Variants in PTPRR observed in about 807,000 individuals in gnomAD.
The protein encoded by PTPRR is protein tyrosine phosphatase receptor type R.
Under a neutral mutation model 77.2 loss-of-function variants are expected in PTPRR, and 38 were observed. The observed-to-expected ratio is 0.49, with a 90% CI of 0.38 to 0.65. PTPRR has a LOEUF of 0.65. PTPRR is among the 30% of genes least tolerant of loss of function. PTPRR has a pLI of 0.00. For missense variants in PTPRR, 744 were observed against 799.2 expected (o/e 0.93, Z 0.83); for synonymous variants, 299 against 283.1 (o/e 1.06, Z -0.57).
rs1886782838 is a variant in PTPRR at position 70,661,078 on chromosome 12, T to C, written c.1628A>G (p.His543Arg). Residue 543 changes from histidine to arginine, a missense_variant, in exon 12 of 14, where the codon CAT becomes CGT. This residue lies in a region of PTPRR where 170 missense variants were observed against 209.8 expected (regional missense o/e 0.81). Transcript: ENST00000283228. ...LVLKQGSHTQ[H>R]VKHYWYTSWP... ...TGAGGTGTACCAGTAATGCTTCACATGTTGGGTGTGGCTTCCTTGCTGAAA... is the reference window on the plus strand; with the variant it reads ...TGAGGTGTACCAGTAATGCTTCACACGTTGGGTGTGGCTTCCTTGCTGAAA... The C allele has an allele frequency of 1.9e-6, 3 of 1,611,328 alleles. No individual in the cohort carries two copies. The highest frequency in any genetic ancestry group is 1.1e-5 in the South Asian group (1 of 90,466).
intron 10 of PTPRR, among the ~76,000 whole-genome samples, chr12:70,663,616 T>C (rs1371541565): frequency 6.6e-6 from 1 of 152,222 alleles, no homozygotes; most frequent in East Asian, 1.9e-4. Context: ...GATTCAAGCA[T>C]ACATATAATC....
At chr12:70,650,653 C>T (rs1475633241) in intron 13 of PTPRR, among the ~76,000 whole-genome samples, 1 of 152,118 alleles carries the variant, frequency 6.6e-6, no homozygotes, top group South Asian at 2.1e-4. Context: ...CTGATTCATG[C>T]TCAGTAGCAG....
chr12:70,812,305 A>G (rs978279961), intron 2 of PTPRR, among the ~76,000 whole-genome samples: 1 of 152,188 alleles, frequency 6.6e-6, no homozygotes, highest in Non-Finnish European at 1.5e-5. Context: ...AATCATTAAC[A>G]TGGGCAGCCA....
chr12:70,743,936 A>C (rs1890131159), intron 6 of PTPRR, among the ~76,000 whole-genome samples: 1 of 152,112 alleles, frequency 6.6e-6, no homozygotes, highest in African/African-American at 2.4e-5. Flanking sequence ...GTAGTGCATG[A>C]TGATAATAAA....
At chr12:70,907,667 T>C (rs1446581122) in intron 1 of PTPRR, among the ~76,000 whole-genome samples, 1 of 152,212 alleles carries the variant, frequency 6.6e-6, no homozygotes, top group Non-Finnish European at 1.5e-5. Flanking sequence ...ACAATGTGAC[T>C]AGACATAAGT....
At chr12:70,798,912 G>T in intron 2 of PTPRR, among the ~76,000 whole-genome samples, 1 of 151,984 alleles carries the variant, frequency 6.6e-6, no homozygotes, top group East Asian at 1.9e-4. Context: ...ACCTATCCTA[G>T]TCCCTGGTAC....
At chr12:70,821,725 G>A (rs373036367) in intron 2 of PTPRR, among the ~76,000 whole-genome samples, 11 of 151,946 alleles carry the variant, frequency 7.2e-5, no homozygotes, top group East Asian at 3.9e-4. Flanking sequence ...GCAGTGGAAC[G>A]ATCTCGGCTC....
At chr12:70,855,661 A>G (rs1057231634) in intron 2 of PTPRR, among the ~76,000 whole-genome samples, 5 of 152,172 alleles carry the variant, frequency 3.3e-5, no homozygotes, top group Non-Finnish European at 4.4e-5. Flanking sequence ...TAAAAAGATG[A>G]TCATTTTTGT....
chr12:70,804,379 A>G (rs1891672447), intron 2 of PTPRR, among the ~76,000 whole-genome samples: 1 of 151,898 alleles, frequency 6.6e-6, no homozygotes, highest in Non-Finnish European at 1.5e-5. Flanking sequence ...AACATGGCAA[A>G]ACCCTGTCTC....
chr12:70,741,830 T>C (rs1890057057), intron 6 of PTPRR, among the ~76,000 whole-genome samples: 1 of 152,074 alleles, frequency 6.6e-6, no homozygotes. Flanking sequence ...GGACCCTCAA[T>C]AGGAGGACTG....
At chr12:70,749,920 T>C (rs1890335313) in intron 5 of PTPRR, among the ~76,000 whole-genome samples, 1 of 152,258 alleles carries the variant, frequency 6.6e-6, no homozygotes, top group Admixed American at 6.5e-5. Flanking sequence ...CTAATTTAGA[T>C]GATAAATGGT....
At chr12:70,745,322 C>A (rs1346354067) in intron 6 of PTPRR, among the ~76,000 whole-genome samples, 3 of 152,194 alleles carry the variant, frequency 2.0e-5, no homozygotes, top group Admixed American at 1.3e-4. Flanking sequence ...GCCACTGCGC[C>A]CGTCCAGTGT....
At chr12:70,823,330 A>G (rs1481900403) in intron 2 of PTPRR, among the ~76,000 whole-genome samples, 1 of 152,292 alleles carries the variant, frequency 6.6e-6, no homozygotes, top group East Asian at 1.9e-4. Context: ...AGTGACAGAA[A>G]TATCTGCTCT....
chr12:70,799,339 G>A (rs1410246506), intron 2 of PTPRR, among the ~76,000 whole-genome samples: 3 of 152,098 alleles, frequency 2.0e-5, no homozygotes, highest in South Asian at 4.1e-4. Flanking sequence ...AATTACTTAA[G>A]TATATTGTTC....
chr12:70,844,797 A>G (rs918013030), intron 2 of PTPRR, among the ~76,000 whole-genome samples: 2 of 152,174 alleles, frequency 1.3e-5, no homozygotes, highest in African/African-American at 4.8e-5. Context: ...AAAAGTCAAT[A>G]CAATTTTTAC....
At chr12:70,755,698 T>C (rs1890545793) in intron 4 of PTPRR, among the ~76,000 whole-genome samples, 1 of 152,056 alleles carries the variant, frequency 6.6e-6, no homozygotes, top group African/African-American at 2.4e-5. Flanking sequence ...ATACAAGAAA[T>C]GATTTAGATA....
intron 2 of PTPRR, among the ~76,000 whole-genome samples, chr12:70,874,869 C>T (rs371761349): frequency 3.1e-5 from 4 of 129,798 alleles, no homozygotes; most frequent in Admixed American, 1.0e-4. Context: ...TTGCAGTTAG[C>T]GGAGATCGGG....
chr12:70,871,537 G>C (rs1168740969), intron 2 of PTPRR, among the ~76,000 whole-genome samples: 1 of 152,070 alleles, frequency 6.6e-6, no homozygotes, highest in East Asian at 1.9e-4. Context: ...AGTTTCCCTG[G>C]TATAGCAATA....
chr12:70,888,458 T>C (rs1394095705), intron 2 of PTPRR, among the ~76,000 whole-genome samples: 3 of 152,188 alleles, frequency 2.0e-5, no homozygotes, highest in African/African-American at 4.8e-5. Context: ...GCATGTACTT[T>C]CAGTAGTTGT....
Sources: gnomAD v4.1 joint callset for allele counts (sites outside exome capture counted in the v4.1 genomes callset) on GRCh38, gnomAD v4.1.1 for gene constraint, gnomAD v4.1.1 regional missense constraint, MANE v1.5 for transcripts, NCBI Gene and HGNC (gene_info 2026-07-23, HGNC 2026-07-21) for gene names.